CTNND2: variants seen among roughly 807,000 people sequenced by gnomAD.
CTNND2 encodes catenin delta-2.
In CTNND2, 22 loss-of-function variants were observed where a neutral mutation model predicts 144.4. The ratio of observed to expected loss-of-function variants is 0.15; its 90% confidence interval spans 0.11 to 0.22. The LOEUF is 0.22. Ranked by LOEUF, CTNND2 falls within the 10% of genes least tolerant of loss-of-function variation. CTNND2 has a pLI of 1.00. For missense variants in CTNND2, 1,353 were observed against 1,618.8 expected (o/e 0.84, Z 2.82); for synonymous variants, 751 against 695.6 (o/e 1.08, Z -1.25).
chr5:11,728,822 T>G (rs1030774026), intron 2 of CTNND2, among the ~76,000 whole-genome samples: 1 of 152,168 alleles, frequency 6.6e-6, no homozygotes, highest in Non-Finnish European at 1.5e-5. Flanking sequence ...ATTTTAAAAC[T>G]CTTTACATAT....
At chr5:11,417,344 A>G (rs1762011412) in intron 3 of CTNND2, among the ~76,000 whole-genome samples, 8 of 152,204 alleles carry the variant, frequency 5.3e-5, no homozygotes, top group Admixed American at 6.5e-5. Context: ...TTATGTGACT[A>G]AAAAACTCCT....
intron 3 of CTNND2, among the ~76,000 whole-genome samples, chr5:11,448,994 C>T (rs931708538): frequency 3.3e-5 from 5 of 151,954 alleles, no homozygotes; most frequent in African/African-American, 4.8e-5. Flanking sequence ...TGAGCCACTA[C>T]ACCTGGCCTC....
At chr5:11,468,309 C>T (rs1322796552) in intron 3 of CTNND2, among the ~76,000 whole-genome samples, 1 of 152,118 alleles carries the variant, frequency 6.6e-6, no homozygotes, top group Admixed American at 6.6e-5. Context: ...AGCAAGAGGA[C>T]AAAAGTGACT....
intron 2 of CTNND2, among the ~76,000 whole-genome samples, chr5:11,585,091 G>T (rs190837839): frequency 1.3e-5 from 2 of 152,310 alleles, no homozygotes. Context: ...GCATACAGAA[G>T]TCAAGGCATT....
intron 6 of CTNND2, among the ~76,000 whole-genome samples, chr5:11,395,376 G>C (rs547160343): frequency 6.6e-6 from 1 of 152,308 alleles, no homozygotes; most frequent in East Asian, 1.9e-4. Flanking sequence ...TCTGTTAGTA[G>C]AGTGAATTAG....
At chr5:11,352,541 T>A (rs1025772635) in intron 8 of CTNND2, among the ~76,000 whole-genome samples, 13 of 152,104 alleles carry the variant, frequency 8.5e-5, no homozygotes, top group African/African-American at 3.1e-4. Context: ...TGAACATGTA[T>A]CCTGAAACTT....
At chr5:11,642,980 C>A (rs573089698) in intron 2 of CTNND2, among the ~76,000 whole-genome samples, 1 of 152,050 alleles carries the variant, frequency 6.6e-6, no homozygotes, top group East Asian at 1.9e-4. Context: ...CAGAATTGTG[C>A]GAGTGCTGTC....
intron 3 of CTNND2, among the ~76,000 whole-genome samples, chr5:11,439,815 G>GTA (rs1453801131): frequency 4.6e-5 from 7 of 150,994 alleles, no homozygotes; most frequent in African/African-American, 1.5e-4. Context: ...ATATATGTGT[G>GTA]TATATATATG....
At chr5:11,299,522 T>A (rs560316246) in intron 9 of CTNND2, among the ~76,000 whole-genome samples, 7 of 152,134 alleles carry the variant, frequency 4.6e-5, no homozygotes, top group Non-Finnish European at 8.8e-5. Context: ...CCTCTCCCGT[T>A]CCCACCTCTC....
intron 2 of CTNND2, among the ~76,000 whole-genome samples, chr5:11,665,404 T>C (rs558387100): frequency 4.6e-5 from 7 of 152,322 alleles, no homozygotes; most frequent in Middle Eastern, 3.4e-3. Flanking sequence ...AGCTTTACCA[T>C]ATAGCAAGAT....
chr5:11,669,466 C>T (rs1032557477), intron 2 of CTNND2, among the ~76,000 whole-genome samples: 9 of 152,130 alleles, frequency 5.9e-5, no homozygotes, highest in Admixed American at 5.2e-4. Flanking sequence ...TTCAGAGATT[C>T]GTTTTCTTCC....
intron 8 of CTNND2, among the ~76,000 whole-genome samples, chr5:11,359,044 G>A (rs1756183665): frequency 6.6e-6 from 1 of 152,172 alleles, no homozygotes; most frequent in African/African-American, 2.4e-5. Flanking sequence ...AAGTGTTTGT[G>A]TTGGTCAAAT....
chr5:11,612,501 G>C (rs1172259529), intron 2 of CTNND2, among the ~76,000 whole-genome samples: 3 of 152,272 alleles, frequency 2.0e-5, no homozygotes, highest in East Asian at 3.9e-4. Context: ...TACACATTAA[G>C]TAAATTTGAT....
intron 3 of CTNND2, among the ~76,000 whole-genome samples, chr5:11,445,146 G>C (rs968374895): frequency 6.6e-6 from 1 of 152,176 alleles, no homozygotes; most frequent in Non-Finnish European, 1.5e-5. Context: ...CTCCACAGGA[G>C]GATCTTTCCT....
At chr5:11,273,846 C>T (rs552276151) in intron 9 of CTNND2, among the ~76,000 whole-genome samples, 22 of 152,122 alleles carry the variant, frequency 1.4e-4, no homozygotes, top group Non-Finnish European at 2.5e-4. Flanking sequence ...AAAAGTTGTG[C>T]GCCATCCTGA....
intron 7 of CTNND2, among the ~76,000 whole-genome samples, chr5:11,374,089 C>T (rs896254275): frequency 2.0e-5 from 3 of 152,106 alleles, no homozygotes; most frequent in Admixed American, 6.5e-5. Flanking sequence ...GTGATGATCA[C>T]GTGTGTCTTG....
chr5:11,085,842 T>C (rs1221621902), intron 15 of CTNND2, among the ~76,000 whole-genome samples: 1 of 152,096 alleles, frequency 6.6e-6, no homozygotes, highest in Non-Finnish European at 1.5e-5. Context: ...GGACTGAGGA[T>C]GACATCCCCC....
chr5:11,434,479 C>A (rs979394584), intron 3 of CTNND2, among the ~76,000 whole-genome samples: 3 of 152,126 alleles, frequency 2.0e-5, no homozygotes, highest in African/African-American at 7.2e-5. Context: ...GGTGCATTTC[C>A]TTGTGTGTAA....
chr5:11,559,837 C>T (rs1262453659), intron 3 of CTNND2, among the ~76,000 whole-genome samples: 1 of 152,186 alleles, frequency 6.6e-6, no homozygotes, highest in African/African-American at 2.4e-5. Context: ...CCCTCTACGG[C>T]CTTCTGACGC....
Sources: allele counts gnomAD v4.1 joint callset (sites outside exome capture counted in the v4.1 genomes callset), GRCh38; gene constraint gnomAD v4.1.1; transcripts MANE v1.5; gene names NCBI Gene and HGNC (gene_info 2026-07-23, HGNC 2026-07-21).